The following RORA variants were observed in gnomAD, a reference collection of about 807,000 sequenced individuals.
RORA encodes nuclear receptor ROR-alpha.
RORA carries 7 observed loss-of-function variants against 69.5 expected under a neutral mutation model. The observed-to-expected ratio is 0.10, with a 90% CI of 0.06 to 0.19. The LOEUF (loss-of-function observed/expected upper bound fraction) is 0.19, where lower values mean the gene tolerates loss of function less well. Ranked by LOEUF, RORA falls within the 10% of genes least tolerant of loss-of-function variation. The probability of loss-of-function intolerance (pLI) is 1.00; values close to 1 mark genes in which losing one functional copy is unlikely to be tolerated. For missense variants in RORA, 457 were observed against 663.0 expected (o/e 0.69, Z 3.41); for synonymous variants, 261 against 240.8 (o/e 1.08, Z -0.78).
At chr15:60,774,291 C>A (rs2072127091) in intron 1 of RORA, among the ~76,000 whole-genome samples, 4 of 152,200 alleles carry the variant, frequency 2.6e-5, no homozygotes, top group African/African-American at 7.2e-5. Flanking sequence ...CAAGGCCAGT[C>A]ATGATATTCA....
At chr15:61,089,065 C>T (rs1158186432) in intron 1 of RORA, among the ~76,000 whole-genome samples, 1 of 152,144 alleles carries the variant, frequency 6.6e-6, no homozygotes, top group African/African-American at 2.4e-5. Flanking sequence ...TAAAACAGAC[C>T]CCCTGAAGTA....
chr15:60,949,317 T>G (rs1040943037), intron 1 of RORA, among the ~76,000 whole-genome samples: 13 of 152,090 alleles, frequency 8.5e-5, no homozygotes, highest in Non-Finnish European at 1.5e-4. Flanking sequence ...TTGCTTGGCT[T>G]CTCAAATCAG....
At chr15:60,941,040 AAG>A (rs1892680348) in intron 1 of RORA, among the ~76,000 whole-genome samples, 1 of 152,258 alleles carries the variant, frequency 6.6e-6, no homozygotes, top group Non-Finnish European at 1.5e-5. Flanking sequence ...ACCTGCAAGA[AAG>A]AAGTGGTATT....
At chr15:60,835,883 T>C (rs1283225939) in intron 1 of RORA, among the ~76,000 whole-genome samples, 1 of 152,206 alleles carries the variant, frequency 6.6e-6, no homozygotes, top group Admixed American at 6.5e-5. Flanking sequence ...GAATTGGCAT[T>C]GATATGAAAA....
chr15:60,706,152 T>C (rs1251453684), intron 1 of RORA: 2 of 152,246 alleles, frequency 1.3e-5, no homozygotes, highest in African/African-American at 4.8e-5. Context: ...ATCGTTTGAC[T>C]GAATGCTTTG....
intron 1 of RORA, among the ~76,000 whole-genome samples, chr15:60,868,027 C>T (rs578121260): frequency 6.6e-6 from 1 of 152,092 alleles, no homozygotes; most frequent in Non-Finnish European, 1.5e-5. Flanking sequence ...CAGAAGTTTC[C>T]TTCTATTTTC....
intron 1 of RORA, among the ~76,000 whole-genome samples, chr15:60,775,957 C>T (rs1326713827): frequency 6.6e-6 from 1 of 152,216 alleles, no homozygotes; most frequent in African/African-American, 2.4e-5. Context: ...CCATCTCCTC[C>T]ATCCCTAAGT....
chr15:61,229,017 C>A (rs1187749808), intron 1 of RORA, 36 bp downstream of exon 1: 27 of 1,257,194 alleles, frequency 2.1e-5, no homozygotes, highest in Middle Eastern at 6.0e-4. Context: ...CCCGGGCTCC[C>A]GCCGCCCCCT....
At chr15:60,595,305 G>T (rs2068641844) in intron 2 of RORA, among the ~76,000 whole-genome samples, 2 of 152,072 alleles carry the variant, frequency 1.3e-5, no homozygotes, top group African/African-American at 4.8e-5. Flanking sequence ...TTGAGGTCAG[G>T]AGTTCAAGAC....
intron 3 of RORA, among the ~76,000 whole-genome samples, chr15:60,526,102 C>T (rs1264357415): frequency 6.6e-6 from 1 of 152,206 alleles, no homozygotes; most frequent in African/African-American, 2.4e-5. Context: ...CAGGCGGCCT[C>T]ATTCACGAAA....
intron 1 of RORA, among the ~76,000 whole-genome samples, chr15:61,151,261 G>A (rs1175077366): frequency 1.3e-5 from 2 of 152,170 alleles, no homozygotes; most frequent in Non-Finnish European, 2.9e-5. Flanking sequence ...ATACACAGTA[G>A]TTAGGCAATA....
At chr15:61,086,317 C>A (rs1196349621) in intron 1 of RORA, among the ~76,000 whole-genome samples, 1 of 152,218 alleles carries the variant, frequency 6.6e-6, no homozygotes, top group African/African-American at 2.4e-5. Flanking sequence ...AATTCTGGTT[C>A]TAAGCTCCTG....
chr15:60,521,814 T>C (rs929353873), intron 3 of RORA, among the ~76,000 whole-genome samples: 2 of 152,216 alleles, frequency 1.3e-5, no homozygotes, highest in Non-Finnish European at 2.9e-5. Flanking sequence ...ACAGAGTCCC[T>C]ACATATCCAC....
chr15:60,519,412 G>A (rs1026901600), intron 3 of RORA, among the ~76,000 whole-genome samples: 6 of 152,266 alleles, frequency 3.9e-5, no homozygotes, highest in Admixed American at 2.0e-4. Flanking sequence ...CAGAGTCCTC[G>A]CTGTAGCATG....
At chr15:60,854,168 T>A (rs1673337) in intron 1 of RORA, among the ~76,000 whole-genome samples, 136,746 of 152,154 alleles carry the variant, frequency 0.9, 61,918 homozygotes, top group East Asian at 1. Flanking sequence ...AGGCTGAGGC[T>A]GGAGAATCGC....
chr15:61,219,781 C>A (rs1180833140), intron 1 of RORA, among the ~76,000 whole-genome samples: 1 of 152,170 alleles, frequency 6.6e-6, no homozygotes, highest in Non-Finnish European at 1.5e-5. Flanking sequence ...TCATAAAGCC[C>A]TTTCTGGCTT....
chr15:60,596,719 G>A (rs997512445), intron 2 of RORA, among the ~76,000 whole-genome samples: 1 of 152,082 alleles, frequency 6.6e-6, no homozygotes, highest in Non-Finnish European at 1.5e-5. Context: ...AAAGGGGGAC[G>A]GGACAAGTGG....
At chr15:61,176,867 C>A (rs1053512508) in intron 1 of RORA, among the ~76,000 whole-genome samples, 5 of 152,032 alleles carry the variant, frequency 3.3e-5, no homozygotes, top group African/African-American at 4.8e-5. Context: ...AAAAGAGGTA[C>A]GCAGGTTTTA....
intron 1 of RORA, among the ~76,000 whole-genome samples, chr15:60,691,512 A>G (rs892255104): frequency 3.9e-5 from 6 of 152,186 alleles, no homozygotes; most frequent in Non-Finnish European, 7.3e-5. Context: ...TAGTTTACCA[A>G]TAGTGACTCC....
Sources: gnomAD v4.1 joint callset for allele counts (sites outside exome capture counted in the v4.1 genomes callset) on GRCh38, gnomAD v4.1.1 for gene constraint, MANE v1.5 for transcripts, NCBI Gene and HGNC (gene_info 2026-07-23, HGNC 2026-07-21) for gene names.